DGKB: variants seen among roughly 807,000 people sequenced by gnomAD.
The protein encoded by DGKB is 90 kDa diacylglycerol kinase.
Under a neutral mutation model 114.3 loss-of-function variants are expected in DGKB, and 67 were observed. That is an observed-to-expected ratio of 0.59 (90% confidence interval 0.48 to 0.72). The LOEUF (loss-of-function observed/expected upper bound fraction) is 0.72, where lower values mean the gene tolerates loss of function less well. DGKB is among the 30% of genes least tolerant of loss of function. DGKB has a pLI of 0.00. For missense variants in DGKB, 907 were observed against 975.2 expected (o/e 0.93, Z 0.93); for synonymous variants, 398 against 323.1 (o/e 1.23, Z -2.49).
chr7:14,760,143 G>A (rs570929563), intron 2 of DGKB, among the ~76,000 whole-genome samples: 3 of 152,228 alleles, frequency 2.0e-5, no homozygotes, highest in African/African-American at 7.2e-5. Context: ...GGGGGTGTGT[G>A]TGTACGCACA....
At chr7:14,317,071 A>G (rs1223583711) in intron 23 of DGKB, among the ~76,000 whole-genome samples, 1 of 67,730 alleles carries the variant, frequency 1.5e-5, no homozygotes, top group Non-Finnish European at 2.8e-5. Context: ...AAGGCCTTTG[A>G]CAAAATTCAA....
chr7:14,497,390 A>C (rs1414241354), intron 20 of DGKB, among the ~76,000 whole-genome samples: 1 of 151,854 alleles, frequency 6.6e-6, no homozygotes, highest in Non-Finnish European at 1.5e-5. Flanking sequence ...AGAAAAGTGA[A>C]CATCTTTGGT....
chr7:14,403,510 C>A (rs184637474), intron 21 of DGKB, among the ~76,000 whole-genome samples: 2 of 53,290 alleles, frequency 3.8e-5, no homozygotes, highest in African/African-American at 8.3e-5. Context: ...CTTTGGGGAA[C>A]CATTTTCCAT....
At chr7:14,900,940 A>G (rs190787567) in intron 1 of DGKB, among the ~76,000 whole-genome samples, 198 of 152,246 alleles carry the variant, frequency 1.3e-3, no homozygotes, top group African/African-American at 4.6e-3. Context: ...TGCTCCAACC[A>G]TATTCTTCTA....
At position 14,442,361 on chromosome 7, in the gene DGKB, C is replaced by T. The variant is rs1417402207; in HGVS notation, c.1835+35800G>A. Reference sequence around the variant, plus strand: ...TTTCTATATTTTAATTCTTGATATTCTTAATATTGATTCTTAAAATTCTTC... The same window carrying T: ...TTTCTATATTTTAATTCTTGATATTTTTAATATTGATTCTTAAAATTCTTC... On this transcript the variant is annotated intron_variant, in intron 21 of 25. Transcript: ENST00000402815. 8.6e-5 allele frequency among the ~76,000 whole-genome samples: 13 copies of T among 151,692 alleles called. No individual in the cohort carries two copies. The East Asian group carries it at 2.5e-3, about 29-fold the overall frequency.
chr7:14,917,437 T>TA (rs1386150077), intron 1 of DGKB, among the ~76,000 whole-genome samples: 4 of 151,840 alleles, frequency 2.6e-5, no homozygotes, highest in African/African-American at 9.7e-5. Flanking sequence ...TGTAGCAAAA[T>TA]AGAGGTCATC....
At chr7:14,569,442 C>T (rs549771759) in intron 20 of DGKB, among the ~76,000 whole-genome samples, 5 of 152,028 alleles carry the variant, frequency 3.3e-5, no homozygotes, top group African/African-American at 9.7e-5. Context: ...ATAAGTCTGG[C>T]GTGTACTTAT....
chr7:14,407,632 G>A (rs1287838019), intron 21 of DGKB, among the ~76,000 whole-genome samples: 1 of 152,004 alleles, frequency 6.6e-6, no homozygotes, highest in Non-Finnish European at 1.5e-5. Context: ...AACAATTCAT[G>A]TTTTATTAAA....
intron 23 of DGKB, among the ~76,000 whole-genome samples, chr7:14,231,340 G>A (rs549024124): frequency 2.3e-4 from 35 of 151,876 alleles, no homozygotes; most frequent in Non-Finnish European, 4.3e-4. Context: ...GTCTTACTAT[G>A]TTGCCCAGGC....
At chr7:14,379,090 G>C (rs904968766) in intron 21 of DGKB, among the ~76,000 whole-genome samples, 13 of 151,566 alleles carry the variant, frequency 8.6e-5, no homozygotes, top group African/African-American at 3.1e-4. Flanking sequence ...GAGTACTGCA[G>C]ACAATTATGT....
Position 14,715,936 on chromosome 7 carries a change from G to A in DGKB, c.466+2606C>T, listed in dbSNP as rs1196146676. Reference sequence around the variant, plus strand: ...TGTTTGTTATTCTTTAACGGAATAAGCTTTATAATAAACATGGTGTAAATA... The same window carrying A: ...TGTTTGTTATTCTTTAACGGAATAAACTTTATAATAAACATGGTGTAAATA... On this transcript the variant is annotated intron_variant, in intron 6 of 25. Transcript: ENST00000402815. Among the ~76,000 whole-genome samples, 2 of 152,134 alleles carry A rather than the reference G, an allele frequency of 1.3e-5. 1 individual carries two copies. The highest frequency in any genetic ancestry group is 3.9e-4 in the East Asian group (2 of 5,182).
intron 16 of DGKB, among the ~76,000 whole-genome samples, chr7:14,610,408 A>T (rs924303789): frequency 8.5e-5 from 13 of 152,070 alleles, no homozygotes; most frequent in African/African-American, 3.1e-4. Context: ...GGAAGATATG[A>T]AAAAAACTAC....
chr7:14,840,699 AACACACACACAC>A (rs57577998), intron 2 of DGKB, among the ~76,000 whole-genome samples: 26,363 of 130,160 alleles, frequency 0.2, 2,785 homozygotes, highest in East Asian at 0.39. Context: ...ACTCTCTTTT[AACACACACACAC>A]ACACACACAC....
chr7:14,219,456 T>C (rs1290138682), intron 23 of DGKB, among the ~76,000 whole-genome samples: 1 of 151,878 alleles, frequency 6.6e-6, no homozygotes. Context: ...ATTTTTATTC[T>C]AATGGGTGGG....
At chr7:14,470,781 T>C (rs1246623110) in intron 21 of DGKB, among the ~76,000 whole-genome samples, 4 of 151,664 alleles carry the variant, frequency 2.6e-5, no homozygotes, top group Non-Finnish European at 5.9e-5. Context: ...CATTTGTACA[T>C]TAAAGATTCT....
At chr7:14,382,440 G>C (rs1425504604) in intron 21 of DGKB, among the ~76,000 whole-genome samples, 1 of 125,740 alleles carries the variant, frequency 8.0e-6, no homozygotes, top group African/African-American at 2.8e-5. Flanking sequence ...GCTTACATAT[G>C]TGCATGCCTG....
intron 20 of DGKB, among the ~76,000 whole-genome samples, chr7:14,527,572 C>A (rs1790844377): frequency 6.6e-6 from 1 of 151,948 alleles, no homozygotes; most frequent in Non-Finnish European, 1.5e-5. Flanking sequence ...TTCTCCAGAT[C>A]CTTATGCATA....
At chr7:14,578,941 T>C (rs991786289) in intron 19 of DGKB, among the ~76,000 whole-genome samples, 4 of 152,204 alleles carry the variant, frequency 2.6e-5, no homozygotes, top group Non-Finnish European at 5.9e-5. Context: ...TATCCCTAAT[T>C]GCCCACCATG....
At chr7:14,263,147 G>T (rs769689281) in intron 23 of DGKB, among the ~76,000 whole-genome samples, 14 of 152,096 alleles carry the variant, frequency 9.2e-5, no homozygotes, top group Non-Finnish European at 1.8e-4. Flanking sequence ...GCAAATGGAG[G>T]TAAATTCAAC....
Sources: allele counts gnomAD v4.1 joint callset (sites outside exome capture counted in the v4.1 genomes callset), GRCh38; gene constraint gnomAD v4.1.1; transcripts MANE v1.5; gene names NCBI Gene and HGNC (gene_info 2026-07-23, HGNC 2026-07-21).